The following COL4A5 variants were observed in gnomAD, a reference collection of about 807,000 sequenced individuals.
The protein encoded by COL4A5 is collagen type IV alpha 5 chain.
In COL4A5, 26 loss-of-function variants were observed where a neutral mutation model predicts 130.2. The observed-to-expected ratio is 0.20, with a 90% CI of 0.15 to 0.28. The LOEUF (loss-of-function observed/expected upper bound fraction) is 0.28. COL4A5 is among the 10% of genes least tolerant of loss of function. COL4A5 has a pLI of 1.00. For missense variants in COL4A5, 1,131 were observed against 1,344.3 expected (o/e 0.84, Z 2.48); for synonymous variants, 496 against 439.6 (o/e 1.13, Z -1.60).
intron 1 of COL4A5, among the ~76,000 whole-genome samples, chrX:108,477,971 C>T (rs752027712): frequency 9.0e-6 from 1 of 111,114 alleles, no homozygotes; most frequent in Non-Finnish European, 1.9e-5. Flanking sequence ...CTTAGCAGGT[C>T]GTGGTTTTTT....
intron 1 of COL4A5, among the ~76,000 whole-genome samples, chrX:108,444,973 G>T (rs1345666347): frequency 9.0e-6 from 1 of 111,145 alleles, no homozygotes; most frequent in Non-Finnish European, 1.9e-5. Flanking sequence ...TAATCTTTGA[G>T]ACTTAATTTC....
intron 36 of COL4A5, among the ~76,000 whole-genome samples, chrX:108,628,326 C>CT (rs1378627064): frequency 2.7e-5 from 3 of 110,802 alleles, no homozygotes; most frequent in Non-Finnish European, 5.7e-5. Context: ...ATATATGTGC[C>CT]TTTTTAATAT....
chrX:108,663,191 G>A (rs1318650397), intron 37 of COL4A5, among the ~76,000 whole-genome samples: 2 of 111,857 alleles, frequency 1.8e-5, no homozygotes, highest in Admixed American at 9.5e-5. Flanking sequence ...ATGCTTGTTA[G>A]TATTTATTTT....
chrX:108,440,271 T>TGG lies in COL4A5; in HGVS notation c.81+74_81+75dup, dbSNP rs59044748. 8.2e-3 allele frequency: 5,204 copies of TGG among 631,715 alleles called. 169 individuals carry two copies. In the African/African-American group the frequency reaches 0.11, roughly 13 times the overall value. The allele number at this position is 631,715 out of a possible 1,213,427, so 52.1% of individuals were successfully genotyped here. ...TTTCACGCTGAAATTACCTTTTTTT[T>TGG]GGGGGGGGGGTCCCTTTATCTTCCT... On this transcript the variant is annotated intron_variant, in intron 1 of 52. Transcript: ENST00000328300.
intron 1 of COL4A5, among the ~76,000 whole-genome samples, chrX:108,521,217 C>T (rs1252644641): frequency 2.7e-5 from 3 of 111,091 alleles, no homozygotes; most frequent in Non-Finnish European, 5.7e-5. Flanking sequence ...TCTTTCATAG[C>T]TGTTCATGTA....
intron 4 of COL4A5, among the ~76,000 whole-genome samples, 192 bp from the exon 5 acceptor site, chrX:108,568,437 C>T (rs2147745691): frequency 9.0e-6 from 1 of 111,647 alleles, no homozygotes; most frequent in South Asian, 3.8e-4. Flanking sequence ...TTATAGTTTT[C>T]AATAAAAGAG....
At chrX:108,615,263 GTGTATTATTGATATGTAAT>G (rs1488973844) in intron 30 of COL4A5, among the ~76,000 whole-genome samples, 4 of 111,738 alleles carry the variant, frequency 3.6e-5, no homozygotes, top group Non-Finnish European at 7.5e-5. Context: ...TACAATTGCA[GTGTATTATTGATATGTAAT>G]TGTTGAGTTA....
chrX:108,652,760 G>A (rs778607847), intron 36 of COL4A5, among the ~76,000 whole-genome samples: 4 of 112,077 alleles, frequency 3.6e-5, no homozygotes, highest in Admixed American at 9.5e-5. Context: ...CTTTTTCTAC[G>A]TGATACAACA....
Position 108,558,899 on chromosome X carries a change from C to T in COL4A5, c.142-165C>T, listed in dbSNP as rs774447010. Among the ~76,000 whole-genome samples, 45 of 112,239 alleles carry T rather than the reference C, an allele frequency of 4.0e-4. No homozygotes were observed. In the South Asian group the frequency reaches 5.5e-3, roughly 14 times the overall value. Reference sequence around the variant, plus strand: ...ACTTCCAGACGGTTTGTGTTTTCTCCCCCCACATCTTAACAGGTTTTCCCA... The same window carrying T: ...ACTTCCAGACGGTTTGTGTTTTCTCTCCCCACATCTTAACAGGTTTTCCCA... On this transcript the variant is annotated intron_variant, in intron 2 of 52. Coordinates refer to ENST00000328300, the MANE Select transcript of COL4A5 (RefSeq NM_033380.3).
chrX:108,539,743 T>C lies in COL4A5; in HGVS notation c.82-3T>C. 7.5e-6 allele frequency: 9 copies of C among 1,206,706 alleles called. No individual in the cohort carries two copies. The highest frequency in any genetic ancestry group is 1.8e-5 in the South Asian group (1 of 56,815). ...ATTTTTTCCCTCTTTCTCTTCCTTA[T>C]AGGCTTGCTATGGGTGTTCTCCAGG... is the stretch of plus-strand genomic sequence containing the variant. On this transcript the variant is annotated splice_region_variant and splice_polypyrimidine_tract_variant and intron_variant, in intron 1 of 52. Coordinates refer to ENST00000328300, the MANE Select transcript of COL4A5 (RefSeq NM_033380.3).
At chrX:108,478,947 T>C (rs1216032785) in intron 1 of COL4A5, among the ~76,000 whole-genome samples, 1 of 111,955 alleles carries the variant, frequency 8.9e-6, no homozygotes, top group African/African-American at 3.3e-5. Flanking sequence ...AGTGCTCATT[T>C]TTGGTCTCTG....
chrX:108,627,588 G>A (rs186874515), intron 36 of COL4A5: 8 of 701,710 alleles, frequency 1.1e-5, no homozygotes, highest in African/African-American at 4.7e-5. Context: ...TCATAAAAGT[G>A]TAATTGTTGG....
intron 4 of COL4A5, 134 bp downstream of exon 4, chrX:108,564,060 T>A (rs1396781222): frequency 1.5e-5 from 8 of 517,134 alleles, no homozygotes; most frequent in Non-Finnish European, 2.5e-5. Flanking sequence ...AAAAGTTAAA[T>A]TTAAGAGTTG....
At chrX:108,629,901 A>G (rs918696360) in intron 36 of COL4A5, among the ~76,000 whole-genome samples, 9 of 110,632 alleles carry the variant, frequency 8.1e-5, no homozygotes, top group Non-Finnish European at 1.5e-4. Context: ...GAGTGAGAAC[A>G]TGCGGTGTTC....
intron 1 of COL4A5, among the ~76,000 whole-genome samples, chrX:108,519,343 C>G (rs187918043): frequency 1.8e-5 from 2 of 111,079 alleles, no homozygotes; most frequent in African/African-American, 6.5e-5. Context: ...GGTAATATGG[C>G]ATAGTATTAT....
At chrX:108,637,428 A>G (rs973181425) in intron 36 of COL4A5, among the ~76,000 whole-genome samples, 1 of 111,810 alleles carries the variant, frequency 8.9e-6, no homozygotes, top group Non-Finnish European at 1.9e-5. Flanking sequence ...AGCAGAAAGA[A>G]AGAAATAATA....
At chrX:108,474,932 CTCTA>C (rs934067929) in intron 1 of COL4A5, among the ~76,000 whole-genome samples, 3 of 111,292 alleles carry the variant, frequency 2.7e-5, no homozygotes, top group African/African-American at 9.8e-5. Flanking sequence ...TTTCTGGGCT[CTCTA>C]TCTTATTCCA....
At chrX:108,635,239 T>G (rs964433871) in intron 36 of COL4A5, among the ~76,000 whole-genome samples, 4 of 110,928 alleles carry the variant, frequency 3.6e-5, no homozygotes, top group African/African-American at 1.3e-4. Flanking sequence ...AAAATCCTAC[T>G]TTTTGTAGTT....
At position 108,695,295 on chromosome X, in the gene COL4A5, G is replaced by A. The variant is rs1468272281; in HGVS notation, c.4850G>A (p.Gly1617Asp). The A allele has an allele frequency of 8.3e-7, 1 of 1,209,480 alleles. No homozygotes were observed. The highest frequency in any genetic ancestry group is 1.1e-6 in the Non-Finnish European group (1 of 895,148). Residue 1617 changes from glycine (G) to aspartate (D), a missense_variant, in exon 52 of 53, where the codon GGT (glycine) becomes GAT (aspartate). Gly to Asp is a moderately conservative substitution (Grantham distance 94). Coordinates refer to ENST00000328300, the MANE Select transcript of COL4A5 (RefSeq NM_033380.3). ...MHTSAGAEGS[G>D]QALASPGSCL... ...ACAAGTGCAGGGGCAGAAGGCTCAG[G>A]TCAAGCCCTAGCCTCCCCTGGTTCC...
Sources: gnomAD v4.1 joint callset for allele counts (sites outside exome capture counted in the v4.1 genomes callset) on GRCh38, gnomAD v4.1.1 for gene constraint, MANE v1.5 for transcripts, NCBI Gene and HGNC (gene_info 2026-07-23, HGNC 2026-07-21) for gene names.